The following GUCA1C variants were observed in gnomAD, a reference collection of about 807,000 sequenced individuals.
GUCA1C encodes the protein guanylyl cyclase-activating protein 3.
Under a neutral mutation model 16.2 loss-of-function variants are expected in GUCA1C, and 15 were observed. The observed-to-expected ratio is 0.93, with a 90% CI of 0.62 to 1.43. The LOEUF is 1.43. Ranked by LOEUF, GUCA1C falls within the 40% of genes most tolerant of loss-of-function variation. The pLI is 0.00. For missense variants in GUCA1C, 275 were observed against 244.8 expected, an observed-to-expected ratio of 1.12 and a Z score of -0.82; for synonymous variants, 78 against 85.4, an observed-to-expected ratio of 0.91 and a Z score of 0.48.
At chr3:108,938,976 G>A (rs531342816) in intron 1 of GUCA1C, among the ~76,000 whole-genome samples, 21 of 152,268 alleles carry the variant, frequency 1.4e-4, no homozygotes, top group Middle Eastern at 3.4e-3. Flanking sequence ...TTTGGGGAAG[G>A]CAAGACAATT....
chr3:108,936,778 G>C (rs1946731725), intron 1 of GUCA1C, among the ~76,000 whole-genome samples: 1 of 152,136 alleles, frequency 6.6e-6, no homozygotes, highest in Admixed American at 6.5e-5. Context: ...TGGAGCCTGT[G>C]TTCTTTTCAT....
At chr3:108,922,413 AC>A (rs1374719505) in intron 1 of GUCA1C, among the ~76,000 whole-genome samples, 1 of 152,206 alleles carries the variant, frequency 6.6e-6, no homozygotes, top group Non-Finnish European at 1.5e-5. Flanking sequence ...AGGAATCTCC[AC>A]ACTGTTTCAC....
Position 108,908,060 on chromosome 3 carries a change from G to C in GUCA1C, c.592C>G (p.Pro198Ala). 1 of 1,613,674 alleles carries C rather than the reference G, an allele frequency of 6.2e-7. No individual in the cohort carries two copies. The highest frequency in any genetic ancestry group is 8.5e-7 in the Non-Finnish European group (1 of 1,179,788). Residue 198 changes from proline (P) to alanine (A), a missense_variant, in exon 4 of 4, where the codon CCT becomes GCT. Coordinates refer to ENST00000261047, the MANE Select transcript of GUCA1C (RefSeq NM_005459.4). ...ACCTTCCCTAGACCAGCCTTGTCAGGAGATTTGGAGGAGTCTGTCTCCATG... is the reference window on the plus strand; with the variant it reads ...ACCTTCCCTAGACCAGCCTTGTCAGCAGATTTGGAGGAGTCTGTCTCCATG... ...PDMETDSSKS[P>A]DKAGLGKVKM...
rs1946771578 is a variant in GUCA1C at position 108,940,177 on chromosome 3, G to T, written c.204+13382C>A. 5.9e-5 allele frequency among the ~76,000 whole-genome samples: 9 copies of T among 152,294 alleles called. No homozygotes were observed. The South Asian group carries it at 1.9e-3, about 32-fold the overall frequency. The stretch of plus-strand genomic sequence containing the variant: ...CTTCCTGAGAGCTTCCATGCTAGTA[G>T]CTCTGAACCCTTAAGAGATTGCAAC... On this transcript the variant is annotated intron_variant, in intron 1 of 3. Coordinates refer to ENST00000261047, the MANE Select transcript of GUCA1C (RefSeq NM_005459.4).
At chr3:108,916,604 G>A (rs1223609398) in intron 2 of GUCA1C, among the ~76,000 whole-genome samples, 2 of 152,164 alleles carry the variant, frequency 1.3e-5, no homozygotes, top group Non-Finnish European at 2.9e-5. Flanking sequence ...GTAAAAGGAT[G>A]ACCACAATGC....
intron 1 of GUCA1C, among the ~76,000 whole-genome samples, chr3:108,926,090 A>AAC (rs1946620797): frequency 2.6e-5 from 4 of 152,154 alleles, no homozygotes. Flanking sequence ...CCATCTCAAA[A>AAC]AAAAAAAATT....
At chr3:108,926,079 T>C (rs937741369) in intron 1 of GUCA1C, among the ~76,000 whole-genome samples, 2 of 151,066 alleles carry the variant, frequency 1.3e-5, no homozygotes, top group Admixed American at 1.3e-4. Context: ...AGAGCAAGAC[T>C]CCATCTCAAA....
At chr3:108,934,116 G>A (rs1946697014) in intron 1 of GUCA1C, among the ~76,000 whole-genome samples, 1 of 151,894 alleles carries the variant, frequency 6.6e-6, no homozygotes, top group African/African-American at 2.4e-5. Flanking sequence ...TCATAAGTGG[G>A]AGCTGAACAA....
At chr3:108,910,539 C>T (rs1946440985) in intron 3 of GUCA1C, among the ~76,000 whole-genome samples, 1 of 151,970 alleles carries the variant, frequency 6.6e-6, no homozygotes, top group Non-Finnish European at 1.5e-5. Context: ...AAGCCAATGC[C>T]TGTGAGAGAT....
At chr3:108,928,940 T>G (rs1447549706) in intron 1 of GUCA1C, among the ~76,000 whole-genome samples, 1 of 152,226 alleles carries the variant, frequency 6.6e-6, no homozygotes, top group Non-Finnish European at 1.5e-5. Context: ...CCTCTCCATA[T>G]AACATTAGAA....
chr3:108,922,174 C>T (rs558374478), intron 1 of GUCA1C, among the ~76,000 whole-genome samples: 14 of 22,798 alleles, frequency 6.1e-4, no homozygotes, highest in African/African-American at 1.3e-3. Flanking sequence ...CACACACACA[C>T]ACACACACAC....
In GUCA1C at chr3:108,908,179, C is replaced by T. The variant is rs752965142; in HGVS notation, c.473G>A (p.Gly158Asp). The T allele has an allele frequency of 3.1e-6, 5 of 1,613,456 alleles. No individual in the cohort carries two copies. In the South Asian group the frequency reaches 5.5e-5, roughly 18 times the overall value. The change falls in exon 4 of 4, where the codon GGC becomes GAC. Residue 158 changes from glycine (G) to aspartate (D), a missense_variant. Gly to Asp is a moderately conservative substitution (Grantham distance 94, BLOSUM62 -1). Transcript: ENST00000261047. ...CAGGAGATCCTGATCTTTTGCCATG[C>T]CATTGATAAATTCTTCTAAAGTCAA... ...GELTLEEFINGMAKDQDLLEI... is the reference protein window; with the variant it reads ...GELTLEEFINDMAKDQDLLEI...
At chr3:108,912,165 C>A (rs1043440968) in intron 3 of GUCA1C, among the ~76,000 whole-genome samples, 2 of 140,782 alleles carry the variant, frequency 1.4e-5, no homozygotes, top group African/African-American at 5.2e-5. Flanking sequence ...TCACCTTCAC[C>A]GTTTGTTATT....
chr3:108,925,893 A>T (rs1013839215), intron 1 of GUCA1C, among the ~76,000 whole-genome samples: 31 of 152,118 alleles, frequency 2.0e-4, no homozygotes, highest in African/African-American at 7.2e-4. Flanking sequence ...TTGAGACCAG[A>T]CTGACCAACA....
chr3:108,919,244 G>A (rs1049669010), intron 2 of GUCA1C, among the ~76,000 whole-genome samples: 5 of 151,176 alleles, frequency 3.3e-5, no homozygotes, highest in Admixed American at 3.3e-4. Context: ...TCTAAGTTTA[G>A]CCCTTAACTT....
intron 1 of GUCA1C, among the ~76,000 whole-genome samples, chr3:108,927,156 T>TAAG (rs1008216246): frequency 1.3e-4 from 20 of 152,350 alleles, no homozygotes; most frequent in African/African-American, 4.3e-4. Flanking sequence ...TCGCAGCTCT[T>TAAG]AAGATTCTTT....
At chr3:108,911,245 A>G (rs1185578732) in intron 3 of GUCA1C, among the ~76,000 whole-genome samples, 1 of 152,118 alleles carries the variant, frequency 6.6e-6, no homozygotes, top group Non-Finnish European at 1.5e-5. Context: ...CTTCCCATTT[A>G]CATCTTAAAT....
intron 1 of GUCA1C, among the ~76,000 whole-genome samples, chr3:108,925,080 GC>G (rs1946610167): frequency 6.8e-6 from 1 of 146,934 alleles, no homozygotes; most frequent in African/African-American, 2.5e-5. Context: ...CAAAGAACCA[GC>G]TTTTTGTTTC....
At chr3:108,934,423 T>C (rs1946700331) in intron 1 of GUCA1C, among the ~76,000 whole-genome samples, 1 of 152,198 alleles carries the variant, frequency 6.6e-6, no homozygotes, top group African/African-American at 2.4e-5. Context: ...GGTGGGGATG[T>C]AAATTAGTTC....
Sources: allele counts gnomAD v4.1 joint callset (sites outside exome capture counted in the v4.1 genomes callset), GRCh38; gene constraint gnomAD v4.1.1; transcripts MANE v1.5; gene names NCBI Gene and HGNC (gene_info 2026-07-23, HGNC 2026-07-21).